Variants in ZNF827 observed in about 807,000 individuals in gnomAD.
ZNF827 encodes the protein zinc finger protein 827.
ZNF827 carries 13 observed loss-of-function variants against 102.4 expected under a neutral mutation model. The observed-to-expected ratio is 0.13, with a 90% CI of 0.08 to 0.20. ZNF827 has a LOEUF of 0.20. ZNF827 is among the 10% of genes least tolerant of loss of function. The probability of loss-of-function intolerance (pLI) is 1.00; values close to 1 mark genes in which losing one functional copy is unlikely to be tolerated. For synonymous variants in ZNF827, 523 were observed against 536.2 expected (o/e 0.98, Z 0.34); for missense variants, 1,103 against 1,344.4 (o/e 0.82, Z 2.81).
chr4:145,923,471 T>G (rs1753220634), intron 1 of ZNF827, among the ~76,000 whole-genome samples: 1 of 148,134 alleles, frequency 6.8e-6, no homozygotes, highest in Non-Finnish European at 1.5e-5. Context: ...AAAAAAAAAT[T>G]AGCCAGGCCC....
intron 7 of ZNF827, among the ~76,000 whole-genome samples, chr4:145,826,595 T>C (rs552904165): frequency 6.6e-6 from 1 of 152,358 alleles, no homozygotes; most frequent in Non-Finnish European, 1.5e-5. Context: ...ACACAGAATA[T>C]TGTTATAATT....
At chr4:145,936,527 GAGGA>G (rs1754185095) in intron 1 of ZNF827, among the ~76,000 whole-genome samples, 1 of 152,124 alleles carries the variant, frequency 6.6e-6, no homozygotes, top group Non-Finnish European at 1.5e-5. Flanking sequence ...GGGAAAGAAA[GAGGA>G]ATGTTTGCGG....
At chr4:145,871,687 TC>T (rs1277611938) in intron 4 of ZNF827, among the ~76,000 whole-genome samples, 2 of 151,992 alleles carry the variant, frequency 1.3e-5, no homozygotes, top group Non-Finnish European at 2.9e-5. Flanking sequence ...TAAAAATAAA[TC>T]CCCGAAGCAA....
chr4:145,783,893 G>A (rs372738243), intron 8 of ZNF827, among the ~76,000 whole-genome samples: 16 of 152,312 alleles, frequency 1.1e-4, no homozygotes, highest in African/African-American at 3.6e-4. Flanking sequence ...TCCCAGTATT[G>A]GAGGTGGGGC....
At position 145,758,607 on chromosome 4, in the gene ZNF827, C is replaced by T. The variant is rs905068323; in HGVS notation, c.*3009G>A. ...AAACAAAACAAAACAAAACAAAAAA[C>T]CAACCCACCCATAAGCCCAGTATTC... On this transcript the variant is annotated 3_prime_UTR_variant, in exon 15 of 15. Coordinates refer to ENST00000508784, the MANE Select transcript of ZNF827 (RefSeq NM_001306215.2). The T allele has an allele frequency of 6.6e-6, 1 of 152,270 alleles. No individual in the cohort carries two copies. Among genetic ancestry groups the T allele is most frequent in the African/African-American group, 2.4e-5 (1 of 41,408 alleles). The allele number at this position is 152,270 out of a possible 1,614,324, so 9.4% of individuals were successfully genotyped here. A position where few individuals can be genotyped will look rare whatever the true frequency, so the allele number is the denominator to read the frequency against.
chr4:145,765,462 A>G lies in ZNF827; in HGVS notation c.3052+85T>C, dbSNP rs1735144710. On this transcript the variant is annotated intron_variant, in intron 12 of 14. Coordinates refer to ENST00000508784, the MANE Select transcript of ZNF827 (RefSeq NM_001306215.2). The surrounding 1 kb of genome is among the most constrained non-coding windows in gnomAD (Gnocchi z 4.7). ...CCTGGGCCTATTATCAGTTTTTGACATCGCTCCTGTGCAGGGCTTATTCTC... is the reference window on the plus strand; with the variant it reads ...CCTGGGCCTATTATCAGTTTTTGACGTCGCTCCTGTGCAGGGCTTATTCTC... 2.0e-6 allele frequency: 3 copies of G among 1,470,262 alleles called. No homozygotes were observed. Among genetic ancestry groups the G allele is most frequent in the Non-Finnish European group, 2.7e-6 (3 of 1,096,968 alleles). The allele number at this position is 1,470,262 out of a possible 1,614,324, so 91.1% of individuals were successfully genotyped here.
chr4:145,789,842 T>A (rs943293700), intron 8 of ZNF827, among the ~76,000 whole-genome samples: 1 of 152,200 alleles, frequency 6.6e-6, no homozygotes, highest in Non-Finnish European at 1.5e-5. Flanking sequence ...AAAGAGAGCT[T>A]TATTGAGGCA....
intron 1 of ZNF827, among the ~76,000 whole-genome samples, chr4:145,920,383 A>C (rs1752971535): frequency 6.6e-6 from 1 of 152,210 alleles, no homozygotes; most frequent in Non-Finnish European, 1.5e-5. Context: ...GAGACTCCAC[A>C]GTCTGGAATG....
At chr4:145,910,187 A>G (rs904187886) in intron 1 of ZNF827, among the ~76,000 whole-genome samples, 3 of 152,210 alleles carry the variant, frequency 2.0e-5, no homozygotes, top group Non-Finnish European at 4.4e-5. Context: ...TTTGGCACAC[A>G]GCAACATTTT....
At chr4:145,910,516 A>G (rs977782543) in intron 1 of ZNF827, among the ~76,000 whole-genome samples, 2 of 152,156 alleles carry the variant, frequency 1.3e-5, no homozygotes, top group Non-Finnish European at 2.9e-5. Flanking sequence ...CAACAGAGGT[A>G]CCAAATCTGG....
chr4:145,869,335 G>A (rs895072911), intron 5 of ZNF827, among the ~76,000 whole-genome samples: 1 of 152,186 alleles, frequency 6.6e-6, no homozygotes, highest in Admixed American at 6.5e-5. Context: ...GAAATTACAG[G>A]TCTTAAAGGA....
chr4:145,822,550 G>C (rs918994235), intron 8 of ZNF827, among the ~76,000 whole-genome samples: 1 of 152,186 alleles, frequency 6.6e-6, no homozygotes, highest in Non-Finnish European at 1.5e-5. Flanking sequence ...GTACTGCCCT[G>C]CACACAGGTG....
chr4:145,768,858 C>CAA (rs1174930111), intron 11 of ZNF827, among the ~76,000 whole-genome samples: 271 of 4,540 alleles, frequency 0.06, 122 homozygotes, highest in Non-Finnish European at 0.091. Flanking sequence ...GACTCCGTCT[C>CAA]AAAAAAAAAA....
chr4:145,910,012 C>A (rs1225316750), intron 1 of ZNF827, among the ~76,000 whole-genome samples: 5 of 152,166 alleles, frequency 3.3e-5, no homozygotes, highest in African/African-American at 1.2e-4. Flanking sequence ...AATGTAAGAA[C>A]TGCTAGTTAT....
At chr4:145,933,091 G>GT (rs1184195913) in intron 1 of ZNF827, among the ~76,000 whole-genome samples, 3 of 152,210 alleles carry the variant, frequency 2.0e-5, no homozygotes, top group Non-Finnish European at 4.4e-5. Context: ...GCAGCATGCA[G>GT]GTAAATTAAA....
At chr4:145,790,150 C>T (rs1176047346) in intron 8 of ZNF827, among the ~76,000 whole-genome samples, 6 of 152,178 alleles carry the variant, frequency 3.9e-5, no homozygotes, top group African/African-American at 1.2e-4. Context: ...TATTAGGTGA[C>T]AGCAAATCTT....
At chr4:145,935,805 C>T (rs1448687050) in intron 1 of ZNF827, among the ~76,000 whole-genome samples, 2 of 152,110 alleles carry the variant, frequency 1.3e-5, no homozygotes, top group Non-Finnish European at 1.5e-5. Flanking sequence ...CCTGAATTTC[C>T]TCTCAGACGG....
chr4:145,763,078 G>A lies in ZNF827; in HGVS notation c.*17+12C>T, dbSNP rs1734779597. On this transcript the variant is annotated intron_variant, in intron 14 of 14. Transcript: ENST00000508784. The surrounding 1 kb of genome is among the most constrained non-coding windows in gnomAD (Gnocchi z 4.6). ...GGTGCACACACAACCCCTACGCCAA[G>A]CTGGGCCTTACCTAGAGGAGTCTGA... 1.4e-5 allele frequency: 22 copies of A among 1,535,860 alleles called. No homozygotes were observed. The highest frequency in any genetic ancestry group is 3.9e-5 in the Admixed American group (2 of 50,968).
At chr4:145,806,031 C>A (rs953066016) in intron 8 of ZNF827, among the ~76,000 whole-genome samples, 1 of 152,032 alleles carries the variant, frequency 6.6e-6, no homozygotes, top group Admixed American at 6.6e-5. Context: ...TCTGCCTCCC[C>A]CTCTAGGGTG....
Sources: gnomAD v4.1 joint callset for allele counts (sites outside exome capture counted in the v4.1 genomes callset) on GRCh38, gnomAD v4.1.1 for gene constraint, Gnocchi (gnomAD v3.1) non-coding constraint, MANE v1.5 for transcripts, NCBI Gene and HGNC (gene_info 2026-07-23, HGNC 2026-07-21) for gene names.